Variants in ARHGAP28 observed in about 807,000 individuals in gnomAD.
ARHGAP28 encodes the protein rho GTPase-activating protein 28.
In ARHGAP28, 56 loss-of-function variants were observed where a neutral mutation model predicts 90.7. That is an observed-to-expected ratio of 0.62 (90% CI 0.50 to 0.77). The LOEUF (loss-of-function observed/expected upper bound fraction) is 0.77. Ranked by LOEUF, ARHGAP28 falls within the 30% of genes least tolerant of loss-of-function variation. The pLI, the probability that ARHGAP28 is intolerant of heterozygous loss-of-function variation, is 0.00. For missense variants in ARHGAP28, 869 were observed against 900.9 expected (o/e 0.96, Z 0.45); for synonymous variants, 308 against 323.3 (o/e 0.95, Z 0.51).
intron 1 of ARHGAP28, among the ~76,000 whole-genome samples, chr18:6,781,202 G>C (rs963118183): frequency 6.6e-6 from 1 of 152,190 alleles, no homozygotes; most frequent in Non-Finnish European, 1.5e-5. Flanking sequence ...CAGTCAGGGG[G>C]ACCTGTGTTG....
At chr18:6,823,926 G>A (rs2056643148) in intron 1 of ARHGAP28, among the ~76,000 whole-genome samples, 1 of 151,830 alleles carries the variant, frequency 6.6e-6, no homozygotes, top group Non-Finnish European at 1.5e-5. Flanking sequence ...ATTTTTTGAG[G>A]AACTTCCATA....
intron 1 of ARHGAP28, chr18:6,730,220 T>TATATATATA: frequency 1.0e-5 from 1 of 97,070 alleles, no homozygotes; most frequent in Non-Finnish European, 1.9e-5. Flanking sequence ...ATAAGTCATG[T>TATATATATA]GTATATATAT....
At chr18:6,833,835 T>A (rs2056733048) in intron 2 of ARHGAP28, among the ~76,000 whole-genome samples, 2 of 152,196 alleles carry the variant, frequency 1.3e-5, no homozygotes, top group African/African-American at 2.4e-5. Context: ...CACCAAGTTA[T>A]TTCTTTATAT....
At chr18:6,831,475 T>G (rs1186743581) in intron 2 of ARHGAP28, among the ~76,000 whole-genome samples, 4 of 141,192 alleles carry the variant, frequency 2.8e-5, no homozygotes, top group South Asian at 2.1e-4. Flanking sequence ...CTTGATGTTT[T>G]TTTTTTTTTT....
chr18:6,786,298 GT>G lies in ARHGAP28; in HGVS notation c.123-38460del, dbSNP rs142316426. Among the ~76,000 whole-genome samples the G allele has an allele frequency of 9.7e-3, 1,474 of 151,788 alleles. 22 individuals are homozygous for G. The highest frequency in any genetic ancestry group is 0.033 in the African/African-American group (1,365 of 41,380). ...TTTTCTTTAGTTTTTAGTAAAGAAT[GT>G]TTTGACAAATTATCCTGTCATATAT... On this transcript the variant is annotated intron_variant, in intron 1 of 17. Coordinates refer to ENST00000383472, the MANE Select transcript of ARHGAP28 (RefSeq NM_001366230.1).
At chr18:6,843,044 C>T (rs1334310626) in intron 3 of ARHGAP28, among the ~76,000 whole-genome samples, 1 of 151,966 alleles carries the variant, frequency 6.6e-6, no homozygotes, top group African/African-American at 2.4e-5. Flanking sequence ...TCATGGGAGT[C>T]CTGAAGAACT....
chr18:6,810,493 C>A (rs990446404), intron 1 of ARHGAP28, among the ~76,000 whole-genome samples: 1 of 151,822 alleles, frequency 6.6e-6, no homozygotes, highest in African/African-American at 2.4e-5. Flanking sequence ...CAGGGTTTCA[C>A]CATGTTGCCC....
At chr18:6,730,138 CAGCCTGGGCTGAAGTCGTTGGCTAGCAG>C in intron 1 of ARHGAP28, 195 bp downstream of exon 1, 1 of 488,278 alleles carries the variant, frequency 2.0e-6, no homozygotes, top group Non-Finnish European at 3.2e-6. Flanking sequence ...AAGGCTCCAC[CAGCCTGGGCTGAAGTCGTTGGCTAGCAG>C]AGATTAGCAA....
At chr18:6,903,729 C>T (rs144013928) in intron 16 of ARHGAP28, among the ~76,000 whole-genome samples, 2,981 of 148,244 alleles carry the variant, frequency 0.02, 101 homozygotes, top group African/African-American at 0.071. Context: ...TACTCGGAGG[C>T]TGAGGCAGAG....
chr18:6,897,622 T>G (rs888256924), intron 16 of ARHGAP28: 1 of 152,236 alleles, frequency 6.6e-6, no homozygotes, highest in African/African-American at 2.4e-5. Context: ...AGCATTCCAA[T>G]CATGTTGAAA....
chr18:6,868,330 T>C (rs2057054691), intron 6 of ARHGAP28, 96 bp downstream of exon 6: 1 of 1,072,752 alleles, frequency 9.3e-7, no homozygotes, highest in Admixed American at 2.1e-5. Context: ...AAGCGAAGTA[T>C]AAGTGTGCTT....
chr18:6,776,426 G>A (rs2056283955), intron 1 of ARHGAP28, among the ~76,000 whole-genome samples: 2 of 152,166 alleles, frequency 1.3e-5, no homozygotes, highest in South Asian at 4.1e-4. Context: ...TACAGTAAAG[G>A]CTTGCTGCAG....
chr18:6,869,983 T>A (rs998796377), intron 6 of ARHGAP28, among the ~76,000 whole-genome samples: 1 of 152,198 alleles, frequency 6.6e-6, no homozygotes, highest in East Asian at 1.9e-4. Context: ...GTACTACATA[T>A]AACCCATTCA....
chr18:6,808,492 C>A (rs1217312631), intron 1 of ARHGAP28, among the ~76,000 whole-genome samples: 2 of 151,892 alleles, frequency 1.3e-5, no homozygotes, highest in Non-Finnish European at 2.9e-5. Context: ...TGGAAGTTGT[C>A]AATTTCAAGT....
chr18:6,841,166 TCCTC>T (rs2056810737), intron 3 of ARHGAP28, among the ~76,000 whole-genome samples: 2 of 86,950 alleles, frequency 2.3e-5, no homozygotes, highest in African/African-American at 9.7e-5. Flanking sequence ...TTTCTCTCTC[TCCTC>T]TCTCTCTCTC....
chr18:6,818,560 T>C (rs565698662), intron 1 of ARHGAP28, among the ~76,000 whole-genome samples: 2 of 152,074 alleles, frequency 1.3e-5, no homozygotes, highest in Non-Finnish European at 2.9e-5. Flanking sequence ...GTGTTTATTA[T>C]TGATGAATGA....
intron 1 of ARHGAP28, among the ~76,000 whole-genome samples, chr18:6,793,436 C>T (rs1238853008): frequency 1.3e-5 from 2 of 152,090 alleles, no homozygotes; most frequent in African/African-American, 2.4e-5. Context: ...TTCTGTCTTC[C>T]TACAGCCAAA....
At chr18:6,772,664 T>G (rs1172683400) in intron 1 of ARHGAP28, among the ~76,000 whole-genome samples, 1 of 152,164 alleles carries the variant, frequency 6.6e-6, no homozygotes, top group Non-Finnish European at 1.5e-5. Flanking sequence ...GCTCTGTAGG[T>G]TGGGTTTATT....
chr18:6,893,457 A>G (rs565880963), intron 14 of ARHGAP28, among the ~76,000 whole-genome samples: 12 of 152,344 alleles, frequency 7.9e-5, no homozygotes, highest in African/African-American at 2.9e-4. Flanking sequence ...CAATACTGAC[A>G]GTTTTTGCCA....
Sources: allele counts gnomAD v4.1 joint callset (sites outside exome capture counted in the v4.1 genomes callset), GRCh38; gene constraint gnomAD v4.1.1; transcripts MANE v1.5; gene names NCBI Gene and HGNC (gene_info 2026-07-23, HGNC 2026-07-21).